Variants in SMIM17 observed in about 807,000 individuals in gnomAD.
The protein encoded by SMIM17 is small integral membrane protein 17.
Under a neutral mutation model 12.2 loss-of-function variants are expected in SMIM17, and 10 were observed. That is an observed-to-expected ratio of 0.82 (90% CI 0.50 to 1.39). SMIM17 has a LOEUF of 1.39. Ranked by LOEUF, SMIM17 falls within the 40% of genes most tolerant of loss-of-function variation. The pLI is 0.00. For synonymous variants in SMIM17, 50 were observed against 44.1 expected (o/e 1.13, Z -0.53); for missense variants, 136 against 118.2 (o/e 1.15, Z -0.70).
intron 1 of SMIM17, among the ~76,000 whole-genome samples, chr19:56,645,311 G>A (rs1047108094): frequency 2.0e-5 from 3 of 152,090 alleles, no homozygotes; most frequent in African/African-American, 7.2e-5. Flanking sequence ...ATGGGAGTAT[G>A]TGAGTGTGTG....
Position 56,645,825 on chromosome 19 carries a change from G to A in SMIM17, c.158G>A (p.Ser53Asn). The A allele has an allele frequency of 6.5e-7, 1 of 1,533,486 alleles. No homozygotes were observed. The highest frequency in any genetic ancestry group is 8.7e-7 in the Non-Finnish European group (1 of 1,145,844). 95.0% of individuals were successfully genotyped at this position (1,533,486 alleles called of 1,614,324 possible). Residue 53 changes from serine to asparagine, a missense_variant, in exon 2 of 4, where the codon AGT becomes AAT. Physicochemically the swap from Ser to Asn is conservative, Grantham distance 46 (BLOSUM62 1). Coordinates refer to ENST00000598409, the MANE Select transcript of SMIM17 (RefSeq NM_001193628.2). ...GAGGTTGGGGCCTCCAGCCATGACAGTGATGAGAAAGGTGAGAGGCAGGGG... is the reference window on the plus strand; with the variant it reads ...GAGGTTGGGGCCTCCAGCCATGACAATGATGAGAAAGGTGAGAGGCAGGGG... ...AVEVGASSHD[S>N]DEKDLSSQET... is the part of the protein sequence containing the mutation.
At chr19:56,647,848 A>T (rs2045076296) in intron 3 of SMIM17, among the ~76,000 whole-genome samples, 1 of 151,974 alleles carries the variant, frequency 6.6e-6, no homozygotes, top group Admixed American at 6.6e-5. Flanking sequence ...CACTTCCTTC[A>T]TAAATCCATC....
At chr19:56,651,734 T>G (rs2045110736) in intron 3 of SMIM17, among the ~76,000 whole-genome samples, 1 of 152,064 alleles carries the variant, frequency 6.6e-6, no homozygotes, top group African/African-American at 2.4e-5. Context: ...CATGGTGTGT[T>G]CACCTTCTGA....
At chr19:56,652,757 C>T (rs2045119753) in intron 3 of SMIM17, among the ~76,000 whole-genome samples, 1 of 151,944 alleles carries the variant, frequency 6.6e-6, no homozygotes, top group African/African-American at 2.4e-5. Flanking sequence ...CTGTGGACTG[C>T]CCTGGAGGGC....
At chr19:56,653,345 T>G (rs757171892) in intron 3 of SMIM17, among the ~76,000 whole-genome samples, 1 of 152,236 alleles carries the variant, frequency 6.6e-6, no homozygotes, top group Non-Finnish European at 1.5e-5. Flanking sequence ...TTCCTCCAGT[T>G]GGCATTTTCA....
chr19:56,648,441 C>A (rs2045085202), intron 3 of SMIM17, among the ~76,000 whole-genome samples: 1 of 152,152 alleles, frequency 6.6e-6, no homozygotes, highest in South Asian at 2.1e-4. Flanking sequence ...ATCCAGTTAT[C>A]CATATACATA....
At chr19:56,647,234 C>A (rs540301758) in intron 2 of SMIM17, among the ~76,000 whole-genome samples, 1 of 152,220 alleles carries the variant, frequency 6.6e-6, no homozygotes, top group Admixed American at 6.5e-5. Flanking sequence ...AGGTAAGGGA[C>A]TGAAGACTCA....
chr19:56,650,955 T>C (rs2045104411), intron 3 of SMIM17, among the ~76,000 whole-genome samples: 1 of 151,196 alleles, frequency 6.6e-6, no homozygotes, highest in Admixed American at 6.6e-5. Context: ...CCAGCATTGA[T>C]GGAGCACACA....
At position 56,645,848 on chromosome 19, in the gene SMIM17, G is replaced by T; in HGVS notation, c.169+12G>T. On this transcript the variant is annotated intron_variant, in intron 2 of 3. Coordinates refer to ENST00000598409, the MANE Select transcript of SMIM17 (RefSeq NM_001193628.2). ...CAGTGATGAGAAAGGTGAGAGGCAG[G>T]GGTCCTTTGGGAGGTGAGTGGGTGG... 1.3e-6 allele frequency: 2 copies of T among 1,524,554 alleles called. No individual in the cohort carries two copies. The highest frequency in any genetic ancestry group is 1.8e-6 in the Non-Finnish European group (2 of 1,141,260). 94.4% of individuals were successfully genotyped at this position (1,524,554 alleles called of 1,614,324 possible).
chr19:56,645,885 T>C, intron 2 of SMIM17, 49 bp downstream of exon 2: 3 of 1,484,254 alleles, frequency 2.0e-6, no homozygotes, highest in Non-Finnish European at 2.7e-6. Context: ...GAGGAAGGAA[T>C]TGGCAGAGCC....
rs2045154926 is a variant in SMIM17 at position 56,656,783 on chromosome 19, TG to T, written c.*1571del. Among the ~76,000 whole-genome samples, 1 of 152,256 alleles carries T rather than the reference TG, an allele frequency of 6.6e-6. No homozygotes were observed. Among genetic ancestry groups the T allele is most frequent in the African/African-American group, 2.4e-5 (1 of 41,474 alleles). On this transcript the variant is annotated 3_prime_UTR_variant, in exon 4 of 4. Coordinates refer to ENST00000598409, the MANE Select transcript of SMIM17 (RefSeq NM_001193628.2). ...TTTATTTTTTGTTTAAAAATAGTTTTGTTTTCTTGTTTTACTGCACTGTGAA... is the reference window on the plus strand; with the variant it reads ...TTTATTTTTTGTTTAAAAATAGTTTTTTTTCTTGTTTTACTGCACTGTGAA...
intron 1 of SMIM17, among the ~76,000 whole-genome samples, 183 bp downstream of exon 1, chr19:56,643,393 G>T (rs1212034415): frequency 6.6e-6 from 1 of 152,196 alleles, no homozygotes; most frequent in Non-Finnish European, 1.5e-5. Context: ...CTCCAAGCCC[G>T]TCCGGTGGGA....
rs1390379974 is a variant in SMIM17 at position 56,655,586 on chromosome 19, G to C, written c.*373G>C. 1 of 238,168 alleles carries C rather than the reference G, an allele frequency of 4.2e-6. No individual in the cohort carries two copies. Among genetic ancestry groups the C allele is most frequent in the African/African-American group, 2.2e-5 (1 of 44,846 alleles). 14.8% of individuals were successfully genotyped at this position (238,168 alleles called of 1,614,324 possible). ...CATCAAACCAACTTTGCATTCTTAAGGTTTTGGTGCACCAGTCTTTTCATA... is the reference window on the plus strand; with the variant it reads ...CATCAAACCAACTTTGCATTCTTAACGTTTTGGTGCACCAGTCTTTTCATA... On this transcript the variant is annotated 3_prime_UTR_variant, in exon 4 of 4. Transcript: ENST00000598409.
chr19:56,657,018 G>A lies in SMIM17; in HGVS notation c.*1805G>A, dbSNP rs2045156568. On this transcript the variant is annotated 3_prime_UTR_variant, in exon 4 of 4. Coordinates refer to ENST00000598409, the MANE Select transcript of SMIM17 (RefSeq NM_001193628.2). The stretch of plus-strand genomic sequence containing the variant: ...TCAGATTCATGTGTTATCTAATTTT[G>A]GCCTATTATATTCATTAAAAACCAA... Among the ~76,000 whole-genome samples the A allele has an allele frequency of 6.6e-6, 1 of 151,994 alleles. No individual in the cohort carries two copies. The highest frequency in any genetic ancestry group is 2.1e-4 in the South Asian group (1 of 4,818).
intron 3 of SMIM17, among the ~76,000 whole-genome samples, chr19:56,649,750 TGGGA>T (rs981940801): frequency 7.3e-5 from 11 of 150,380 alleles, no homozygotes; most frequent in Non-Finnish European, 1.5e-4. Context: ...GGCTGGAGGG[TGGGA>T]GGGAGGACTA....
chr19:56,646,729 G>A (rs778663722), intron 2 of SMIM17, among the ~76,000 whole-genome samples: 7 of 152,186 alleles, frequency 4.6e-5, no homozygotes, highest in African/African-American at 7.2e-5. Context: ...ATCTTTGGGA[G>A]AAGGAATCAG....
At chr19:56,650,310 A>T (rs1025405378) in intron 3 of SMIM17, among the ~76,000 whole-genome samples, 1 of 152,146 alleles carries the variant, frequency 6.6e-6, no homozygotes, top group Non-Finnish European at 1.5e-5. Context: ...AGTAGCTAGG[A>T]CTACAGGCGC....
intron 3 of SMIM17, among the ~76,000 whole-genome samples, chr19:56,648,060 TC>T (rs2045078660): frequency 1.6e-5 from 1 of 64,138 alleles, no homozygotes; most frequent in Admixed American, 1.6e-4. Context: ...ATTCCATCCA[TC>T]CATCCATCCA....
At chr19:56,654,401 T>C (rs1299793605) in intron 3 of SMIM17, among the ~76,000 whole-genome samples, 1 of 152,186 alleles carries the variant, frequency 6.6e-6, no homozygotes, top group Non-Finnish European at 1.5e-5. Flanking sequence ...GACTGGCCCA[T>C]GGGCAAGAAA....
Sources: gnomAD v4.1 joint callset for allele counts (sites outside exome capture counted in the v4.1 genomes callset) on GRCh38, gnomAD v4.1.1 for gene constraint, MANE v1.5 for transcripts, NCBI Gene and HGNC (gene_info 2026-07-23, HGNC 2026-07-21) for gene names.